Variants in CPNE8 observed in about 807,000 individuals in gnomAD.
CPNE8 encodes copine 8.
CPNE8 carries 45 observed loss-of-function variants against 81.5 expected under a neutral mutation model. The ratio of observed to expected loss-of-function variants is 0.55; its 90% confidence interval spans 0.44 to 0.71. The LOEUF is 0.71. Among genes scored for constraint, CPNE8 ranks in the 30% least tolerant of loss-of-function variants. The pLI, the probability that CPNE8 is intolerant of heterozygous loss-of-function variation, is 0.00. For synonymous variants in CPNE8, 252 were observed against 226.3 expected (o/e 1.11, Z -1.02); for missense variants, 594 against 672.1 (o/e 0.88, Z 1.28).
In CPNE8 at chr12:38,672,466, T is replaced by A. The variant is rs1485005225; in HGVS notation, c.1433-1664A>T. On this transcript the variant is annotated intron_variant, in intron 18 of 19. Transcript: ENST00000331366. The stretch of plus-strand genomic sequence containing the variant: ...GTCTACTCTTCAGGTGTGCAGACCA[T>A]CTGGTCCTCAAGCAGGTGGAGATTA... 2.0e-5 allele frequency among the ~76,000 whole-genome samples: 3 copies of A among 152,110 alleles called. No homozygotes were observed. In the East Asian group the frequency reaches 5.8e-4, roughly 29 times the overall value.
At chr12:38,848,769 C>T in intron 3 of CPNE8, 107 bp from the exon 4 acceptor site, 1 of 1,323,612 alleles carries the variant, frequency 7.6e-7, no homozygotes, top group Non-Finnish European at 9.9e-7. Context: ...AATAAATATC[C>T]AAATAATAGA....
intron 18 of CPNE8, 200 bp from the exon 19 acceptor site, chr12:38,671,002 C>A (rs552665243): frequency 4.1e-6 from 2 of 493,588 alleles, no homozygotes; most frequent in South Asian, 5.2e-5. Context: ...GAAAGTGAAC[C>A]AAGATCTTTT....
intron 7 of CPNE8, among the ~76,000 whole-genome samples, chr12:38,772,536 T>C (rs984306876): frequency 2.0e-5 from 3 of 152,102 alleles, no homozygotes; most frequent in Non-Finnish European, 4.4e-5. Flanking sequence ...TCACCAATCA[T>C]CAGAGAAATG....
chr12:38,896,736 C>T (rs182433387), intron 1 of CPNE8, among the ~76,000 whole-genome samples: 21 of 152,168 alleles, frequency 1.4e-4, no homozygotes, highest in East Asian at 9.7e-4. Flanking sequence ...ACTATTCTAA[C>T]GACTGTTTTA....
intron 19 of CPNE8, among the ~76,000 whole-genome samples, chr12:38,663,770 CA>C (rs1270907802): frequency 6.6e-6 from 1 of 152,096 alleles, no homozygotes; most frequent in African/African-American, 2.4e-5. Flanking sequence ...GTAGCATATG[CA>C]CACAATGAAA....
rs967667337 is a variant in CPNE8 at position 38,659,572 on chromosome 12, A to G, written c.1507-5502T>C. 7.9e-5 allele frequency among the ~76,000 whole-genome samples: 12 copies of G among 152,282 alleles called. 1 individual carries two copies. The highest frequency in any genetic ancestry group is 2.1e-4 in the South Asian group (1 of 4,828). On this transcript the variant is annotated intron_variant, in intron 19 of 19. Transcript: ENST00000331366. ...CTAATAGACATCTACAGAACTCTCT[A>G]CTCTAAATCAACAGAATACACATTC...
At chr12:38,748,936 G>T (rs1041129225) in intron 10 of CPNE8, among the ~76,000 whole-genome samples, 1 of 152,044 alleles carries the variant, frequency 6.6e-6, no homozygotes, top group African/African-American at 2.4e-5. Context: ...GTTTACATTA[G>T]TTTAAATGTT....
intron 7 of CPNE8, among the ~76,000 whole-genome samples, chr12:38,771,242 C>T (rs1941793909): frequency 6.6e-6 from 1 of 151,486 alleles, no homozygotes; most frequent in East Asian, 1.9e-4. Flanking sequence ...GCTTGGATCA[C>T]TTGAGTCTGG....
intron 13 of CPNE8, among the ~76,000 whole-genome samples, chr12:38,708,083 G>A (rs1940158166): frequency 1.3e-5 from 2 of 152,120 alleles, no homozygotes; most frequent in Non-Finnish European, 2.9e-5. Context: ...ATATCAGTTT[G>A]TTCAATGCCA....
intron 13 of CPNE8, among the ~76,000 whole-genome samples, chr12:38,716,374 C>T (rs1940391988): frequency 6.6e-6 from 1 of 152,036 alleles, no homozygotes; most frequent in Non-Finnish European, 1.5e-5. Flanking sequence ...AATCTGGAGG[C>T]ATCACATCAC....
intron 13 of CPNE8, among the ~76,000 whole-genome samples, chr12:38,714,642 AG>A (rs1222902551): frequency 6.6e-6 from 1 of 152,136 alleles, no homozygotes; most frequent in East Asian, 1.9e-4. Flanking sequence ...AAAAAAAAAA[AG>A]ATCTAAAAAT....
At chr12:38,702,667 C>T (rs567534359) in intron 14 of CPNE8, among the ~76,000 whole-genome samples, 2 of 151,934 alleles carry the variant, frequency 1.3e-5, no homozygotes, top group Non-Finnish European at 2.9e-5. Flanking sequence ...CTGAATGAGA[C>T]TATTAGCATT....
upstream of CPNE8, chr12:38,906,157 C>T (rs546107459): frequency 2.1e-5 from 21 of 985,790 alleles, no homozygotes; most frequent in East Asian, 2.4e-3. Flanking sequence ...CCTCGGAGCT[C>T]TTGGGAGATC....
intron 3 of CPNE8, among the ~76,000 whole-genome samples, chr12:38,856,373 A>G (rs1943734463): frequency 6.6e-6 from 1 of 152,162 alleles, no homozygotes; most frequent in Non-Finnish European, 1.5e-5. Context: ...CAGCATTATC[A>G]TCATACCAAA....
chr12:38,878,522 C>T (rs1944099913), intron 1 of CPNE8, among the ~76,000 whole-genome samples: 1 of 152,220 alleles, frequency 6.6e-6, no homozygotes, highest in East Asian at 1.9e-4. Context: ...AGTCAGTTAG[C>T]TCATCTGATA....
chr12:38,685,733 C>T (rs1592008967), intron 15 of CPNE8, 116 bp from the exon 16 acceptor site: 1 of 1,017,432 alleles, frequency 9.8e-7, no homozygotes, highest in East Asian at 2.6e-5. Flanking sequence ...TTTTGAGGAA[C>T]TCTTATTCAT....
intron 18 of CPNE8, among the ~76,000 whole-genome samples, chr12:38,672,438 C>T (rs1009444967): frequency 2.0e-5 from 3 of 152,142 alleles, no homozygotes; most frequent in Non-Finnish European, 4.4e-5. Context: ...GTGGAGGGGT[C>T]AGGTCTACTC....
chr12:38,814,682 A>G (rs914250695), intron 6 of CPNE8, among the ~76,000 whole-genome samples: 3 of 152,054 alleles, frequency 2.0e-5, no homozygotes, highest in Non-Finnish European at 2.9e-5. Flanking sequence ...ATGACTAAAT[A>G]TCCATTTACA....
chr12:38,803,614 C>A (rs924630823), intron 6 of CPNE8, among the ~76,000 whole-genome samples: 1 of 143,808 alleles, frequency 7.0e-6, no homozygotes, highest in Non-Finnish European at 1.5e-5. Context: ...GGGATGCCCT[C>A]TCTCACCGCT....
Sources: allele counts gnomAD v4.1 joint callset (sites outside exome capture counted in the v4.1 genomes callset), GRCh38; gene constraint gnomAD v4.1.1; transcripts MANE v1.5; gene names NCBI Gene and HGNC (gene_info 2026-07-23, HGNC 2026-07-21).